ROBO2: variants seen among roughly 807,000 people sequenced by gnomAD.
ROBO2 encodes the protein roundabout homolog 2.
In ROBO2, 53 loss-of-function variants were observed where a neutral mutation model predicts 160.8. That is an observed-to-expected ratio of 0.33 (90% CI 0.26 to 0.41). ROBO2 has a LOEUF of 0.41. Ranked by LOEUF, ROBO2 falls within the 10% of genes least tolerant of loss-of-function variation. ROBO2 has a pLI of 1.00. For missense variants in ROBO2, 1,577 were observed against 1,722.4 expected, an observed-to-expected ratio of 0.92 and a Z score of 1.49; for synonymous variants, 664 against 611.7, an observed-to-expected ratio of 1.09 and a Z score of -1.26.
chr3:77,439,772 C>T (rs1450379159), intron 2 of ROBO2, among the ~76,000 whole-genome samples: 1 of 152,078 alleles, frequency 6.6e-6, no homozygotes, highest in East Asian at 1.9e-4. Flanking sequence ...CTCTCATTTT[C>T]CTTGCTTCCT....
chr3:76,262,619 T>C (rs536328776), intron 2 of ROBO2, among the ~76,000 whole-genome samples: 93 of 152,294 alleles, frequency 6.1e-4, no homozygotes, highest in African/African-American at 2.0e-3. Context: ...GGATGTCAGC[T>C]TTTCTAATCT....
rs572919684 is a variant in ROBO2 at position 76,149,043 on chromosome 3, A to G, written c.109+211441A>G. ...TGATTCCCTGTCCCCTTAAGCCTCAATTTTTCTCGTCTCTATAAGTGGCAT... is the reference window on the plus strand; with the variant it reads ...TGATTCCCTGTCCCCTTAAGCCTCAGTTTTTCTCGTCTCTATAAGTGGCAT... On this transcript the variant is annotated intron_variant, in intron 2 of 26. Transcript: ENST00000487694. Among the ~76,000 whole-genome samples the G allele has an allele frequency of 3.3e-5, 5 of 151,564 alleles. No homozygotes were observed. The South Asian group carries it at 8.3e-4, about 25-fold the overall frequency.
chr3:77,033,361 A>T (rs1270094041), intron 2 of ROBO2, among the ~76,000 whole-genome samples: 1 of 152,214 alleles, frequency 6.6e-6, no homozygotes, highest in Non-Finnish European at 1.5e-5. Context: ...GAAATCTCCT[A>T]TGAAAATCTT....
chr3:76,915,511 A>C lies in ROBO2; in HGVS notation c.110-182503A>C, dbSNP rs564914855. Among the ~76,000 whole-genome samples the C allele has an allele frequency of 5.3e-5, 8 of 151,760 alleles. No homozygotes were observed. In the South Asian group the frequency reaches 1.7e-3, roughly 32 times the overall value. On this transcript the variant is annotated intron_variant, in intron 2 of 26. Transcript: ENST00000487694. Reference sequence around the variant, plus strand: ...CCCTGTCTCCATTAAAAATATAAAAATTAGCTGGGTGTGCTGGGTGTGGTG... The same window carrying C: ...CCCTGTCTCCATTAAAAATATAAAACTTAGCTGGGTGTGCTGGGTGTGGTG...
At chr3:76,568,648 A>G (rs1226873296) in intron 2 of ROBO2, among the ~76,000 whole-genome samples, 1 of 152,104 alleles carries the variant, frequency 6.6e-6, no homozygotes, top group African/African-American at 2.4e-5. Flanking sequence ...ATTAAGAGAA[A>G]TTCTGGTAGT....
intron 2 of ROBO2, among the ~76,000 whole-genome samples, chr3:76,056,295 A>C (rs912326124): frequency 6.6e-6 from 1 of 152,202 alleles, no homozygotes; most frequent in African/African-American, 2.4e-5. Flanking sequence ...CCCCACAGGT[A>C]CCAAGGGATG....
chr3:76,732,041 G>A (rs970084469), intron 2 of ROBO2, among the ~76,000 whole-genome samples: 4 of 151,976 alleles, frequency 2.6e-5, no homozygotes, highest in Admixed American at 1.3e-4. Flanking sequence ...TATTTCACCC[G>A]GGAATCATGT....
intron 2 of ROBO2, among the ~76,000 whole-genome samples, chr3:76,199,632 C>T (rs1276914862): frequency 6.6e-6 from 1 of 152,120 alleles, no homozygotes; most frequent in Non-Finnish European, 1.5e-5. Flanking sequence ...AACTCTGCAA[C>T]AGCCAGTCCA....
intron 2 of ROBO2, among the ~76,000 whole-genome samples, chr3:77,458,004 T>C (rs974922964): frequency 3.3e-5 from 5 of 152,148 alleles, no homozygotes; most frequent in African/African-American, 1.2e-4. Context: ...AAAACCATGA[T>C]AATGAATGAA....
At chr3:76,325,160 A>T (rs1305443301) in intron 2 of ROBO2, among the ~76,000 whole-genome samples, 1 of 152,240 alleles carries the variant, frequency 6.6e-6, no homozygotes, top group Non-Finnish European at 1.5e-5. Flanking sequence ...CTAACTTAAA[A>T]TATTTTTAAA....
chr3:75,908,084 T>TG (rs1490157301), intron 1 of ROBO2, among the ~76,000 whole-genome samples: 11 of 152,128 alleles, frequency 7.2e-5, no homozygotes, highest in Admixed American at 5.2e-4. Context: ...ATAAAATCGG[T>TG]GGGCATACAG....
intron 2 of ROBO2, among the ~76,000 whole-genome samples, chr3:75,981,556 A>G (rs1427958435): frequency 6.8e-6 from 1 of 148,104 alleles, no homozygotes; most frequent in African/African-American, 2.4e-5. Context: ...TAATATTTGT[A>G]TTGATATTAC....
intron 2 of ROBO2, among the ~76,000 whole-genome samples, chr3:76,614,334 A>T (rs1200822256): frequency 6.6e-6 from 1 of 152,098 alleles, no homozygotes; most frequent in East Asian, 1.9e-4. Context: ...CGAGCACTGG[A>T]AAGTCCTTTT....
chr3:76,253,267 G>GTTTA (rs950621090), intron 2 of ROBO2, among the ~76,000 whole-genome samples: 25 of 151,846 alleles, frequency 1.6e-4, no homozygotes, highest in East Asian at 1.6e-3. Flanking sequence ...AAAAAGTTAT[G>GTTTA]TTTATTTATT....
At chr3:77,271,910 C>T (rs2059516797) in intron 2 of ROBO2, among the ~76,000 whole-genome samples, 3 of 152,154 alleles carry the variant, frequency 2.0e-5, no homozygotes, top group South Asian at 2.1e-4. Context: ...TTTTAGCGTG[C>T]TTCTTTGAGT....
intron 2 of ROBO2, among the ~76,000 whole-genome samples, chr3:77,241,645 A>G (rs927456692): frequency 6.6e-6 from 1 of 152,196 alleles, no homozygotes; most frequent in Non-Finnish European, 1.5e-5. Context: ...ATGAACCCCA[A>G]TTGGCAGAGG....
At chr3:77,225,447 G>A (rs184761785) in intron 2 of ROBO2, among the ~76,000 whole-genome samples, 2 of 151,920 alleles carry the variant, frequency 1.3e-5, no homozygotes, top group Admixed American at 1.3e-4. Context: ...CTCAGAGAAA[G>A]CTTGTCTTCA....
At chr3:77,390,327 G>T (rs2074588214) in intron 2 of ROBO2, among the ~76,000 whole-genome samples, 1 of 152,142 alleles carries the variant, frequency 6.6e-6, no homozygotes, top group Non-Finnish European at 1.5e-5. Context: ...ATCTTACACA[G>T]TTTGGCTGTG....
chr3:77,401,611 A>G (rs2075805889), intron 2 of ROBO2, among the ~76,000 whole-genome samples: 1 of 151,696 alleles, frequency 6.6e-6, no homozygotes, highest in South Asian at 2.1e-4. Context: ...TGGACTGAGC[A>G]CATCAAGGGA....
Sources: gnomAD v4.1 joint callset for allele counts (sites outside exome capture counted in the v4.1 genomes callset) on GRCh38, gnomAD v4.1.1 for gene constraint, MANE v1.5 for transcripts, NCBI Gene and HGNC (gene_info 2026-07-23, HGNC 2026-07-21) for gene names.